The following MIA2 variants were observed in gnomAD, a reference collection of about 807,000 sequenced individuals.
MIA2 encodes the protein MIA SH3 domain ER export factor 2.
MIA2 carries 127 observed loss-of-function variants against 167.8 expected under a neutral mutation model. The ratio of observed to expected loss-of-function variants is 0.76; its 90% CI spans 0.66 to 0.88. The LOEUF is 0.88. Ranked by LOEUF, MIA2 falls within the 40% of genes least tolerant of loss-of-function variation. The pLI is 0.00. For missense variants in MIA2, 1,690 were observed against 1,624.7 expected (o/e 1.04, Z -0.69); for synonymous variants, 552 against 541.9 (o/e 1.02, Z -0.26).
intron 6 of MIA2, chr14:39,269,073 AGTTTTTT>A: frequency 2.8e-6 from 1 of 362,202 alleles, no homozygotes; most frequent in African/African-American, 3.4e-5. Context: ...TCACCTGCAC[AGTTTTTT>A]TTTTTTTTTT....
At chr14:39,263,800 T>A (rs1402335803) in intron 6 of MIA2, among the ~76,000 whole-genome samples, 1 of 151,800 alleles carries the variant, frequency 6.6e-6, no homozygotes, top group Non-Finnish European at 1.5e-5. Context: ...CCCAGCTAAT[T>A]TTTTGTATTT....
At chr14:39,263,389 CT>C (rs1037043049) in intron 6 of MIA2, among the ~76,000 whole-genome samples, 137 of 138,186 alleles carry the variant, frequency 9.9e-4, no homozygotes, top group Non-Finnish European at 8.9e-4. Flanking sequence ...ATGGATTGTT[CT>C]TTTTTTTTTT....
At chr14:39,338,266 A>G (rs745764283) in intron 25 of MIA2, among the ~76,000 whole-genome samples, 1 of 152,242 alleles carries the variant, frequency 6.6e-6, no homozygotes, top group Non-Finnish European at 1.5e-5. Context: ...GGCTGTTACA[A>G]TACACTATAG....
Position 39,302,231 on chromosome 14 carries a change from GA to G in MIA2, c.2726del (p.Asn909MetfsTer5). 1 of 1,613,798 alleles carries G rather than the reference GA, an allele frequency of 6.2e-7. No individual in the cohort carries two copies. Among genetic ancestry groups the G allele is most frequent in the Non-Finnish European group, 8.5e-7 (1 of 1,179,792 alleles). The stretch of plus-strand genomic sequence containing the variant: ...GGAATTAGAAATGAACAGTGAATCG[GA>G]AAATGGTGCTTACTTAGGTATTAAG... ...NLELEMNSES[E>X]NGAYLDNPPK... On this transcript the variant is annotated frameshift_variant, in exon 15 of 29. Coordinates refer to ENST00000640607, the MANE Select transcript of MIA2 (RefSeq NM_001329214.4). LOFTEE classifies it high-confidence loss of function.
At chr14:39,307,789 T>G (rs1052599455) in intron 17 of MIA2, among the ~76,000 whole-genome samples, 1 of 152,100 alleles carries the variant, frequency 6.6e-6, no homozygotes, top group Admixed American at 6.6e-5. Flanking sequence ...AATGGGATCC[T>G]GTTTTGTGGC....
chr14:39,270,423 T>A (rs2056934928), intron 6 of MIA2, among the ~76,000 whole-genome samples: 1 of 152,010 alleles, frequency 6.6e-6, no homozygotes, highest in Non-Finnish European at 1.5e-5. Flanking sequence ...ATGATCTCGA[T>A]CTCCTGACCT....
At chr14:39,265,222 G>A in intron 6 of MIA2, 1 of 596,212 alleles carries the variant, frequency 1.7e-6, no homozygotes, top group Non-Finnish European at 2.9e-6. Context: ...TGGGTTGGTA[G>A]TCACAACTCC....
intron 9 of MIA2, among the ~76,000 whole-genome samples, chr14:39,280,037 C>T (rs1325894357): frequency 1.2e-5 from 1 of 80,064 alleles, no homozygotes; most frequent in Non-Finnish European, 2.7e-5. Context: ...TGTGATGGTG[C>T]AGTTGAGGGT....
At position 39,361,159 on chromosome 14, in the gene MIA2, G is replaced by T. The variant is rs1016678725; in HGVS notation, c.2248+12182G>T. Among the ~76,000 whole-genome samples, 80 of 152,074 alleles carry T rather than the reference G, an allele frequency of 5.3e-4. 1 individual carries two copies. The highest frequency in any genetic ancestry group is 8.8e-5 in the Non-Finnish European group (6 of 68,002). On this transcript the variant is annotated intron_variant, in intron 23 of 23. Coordinates refer to the MIA2 transcript ENST00000341502. ...TTCTTTGGTTTCATATGAATTTTAG[G>T]ATTGTTTTTCTATTTCTGTGAAAAA...
chr14:39,250,887 T>C (rs1334497428), intron 4 of MIA2, among the ~76,000 whole-genome samples: 1 of 151,890 alleles, frequency 6.6e-6, no homozygotes, highest in Non-Finnish European at 1.5e-5. Context: ...AAAAAAGACG[T>C]CATTTATTAA....
At chr14:39,249,756 A>T (rs2054476302) in intron 4 of MIA2, among the ~76,000 whole-genome samples, 1 of 152,202 alleles carries the variant, frequency 6.6e-6, no homozygotes, top group African/African-American at 2.4e-5. Context: ...GACAGAATAT[A>T]AATGCAGCAA....
intron 18 of MIA2, among the ~76,000 whole-genome samples, chr14:39,310,523 G>A (rs548855773): frequency 2.0e-5 from 3 of 152,014 alleles, no homozygotes; most frequent in African/African-American, 7.2e-5. Context: ...AAAAAACAAG[G>A]TTATATATTG....
chr14:39,363,693 C>T (rs2074750006), intron 23 of MIA2, among the ~76,000 whole-genome samples: 1 of 152,174 alleles, frequency 6.6e-6, no homozygotes, highest in Non-Finnish European at 1.5e-5. Context: ...CTAGGTGCTT[C>T]ATTGTTGGGT....
At chr14:39,378,152 GT>G (rs1344860672) in intron 23 of MIA2, among the ~76,000 whole-genome samples, 1 of 152,194 alleles carries the variant, frequency 6.6e-6, no homozygotes, top group African/African-American at 2.4e-5. Flanking sequence ...AAGGAATTAT[GT>G]TTTAAATTTT....
At chr14:39,386,123 C>G (rs1332477453) in intron 23 of MIA2, 40 of 1,303,762 alleles carry the variant, frequency 3.1e-5, no homozygotes, top group Non-Finnish European at 4.0e-5. Context: ...AAGCATTGGT[C>G]ATCTGACTCT....
chr14:39,314,678 G>T, intron 19 of MIA2, 61 bp from the exon 20 acceptor site: 1 of 1,029,572 alleles, frequency 9.7e-7, no homozygotes, highest in South Asian at 1.5e-5. Context: ...TTTTAGTAGA[G>T]AGTATGTTCT....
At chr14:39,359,048 A>G (rs1405532048) in intron 23 of MIA2, among the ~76,000 whole-genome samples, 1 of 152,222 alleles carries the variant, frequency 6.6e-6, no homozygotes, top group Admixed American at 6.5e-5. Context: ...CTCAAGCTGC[A>G]TGCTGGGAGA....
chr14:39,290,149 A>C (rs375857134), intron 9 of MIA2, among the ~76,000 whole-genome samples: 3 of 152,130 alleles, frequency 2.0e-5, no homozygotes, highest in Admixed American at 2.0e-4. Context: ...CTGAACTCCA[A>C]GTGTTTTTTC....
chr14:39,374,054 G>T (rs898979925), intron 23 of MIA2, among the ~76,000 whole-genome samples: 17 of 141,498 alleles, frequency 1.2e-4, no homozygotes, highest in African/African-American at 4.1e-4. Context: ...GAAATTACCA[G>T]AGTATGTTAA....
Sources: gnomAD v4.1 joint callset for allele counts (sites outside exome capture counted in the v4.1 genomes callset) on GRCh38, gnomAD v4.1.1 for gene constraint, MANE v1.5 for transcripts, NCBI Gene and HGNC (gene_info 2026-07-23, HGNC 2026-07-21) for gene names.